The following NOS1AP variants were observed in gnomAD, a reference collection of about 807,000 sequenced individuals.
The protein encoded by NOS1AP is nitric oxide synthase 1 adaptor protein.
Under a neutral mutation model 56.2 loss-of-function variants are expected in NOS1AP, and 21 were observed. That is an observed-to-expected ratio of 0.37 (90% confidence interval 0.26 to 0.54). NOS1AP has a LOEUF of 0.54. Among genes scored for constraint, NOS1AP ranks in the 20% least tolerant of loss-of-function variants. The pLI, the probability that NOS1AP is intolerant of heterozygous loss-of-function variation, is 0.84. For synonymous variants in NOS1AP, 270 were observed against 274.6 expected, an observed-to-expected ratio of 0.98 and a Z score of 0.17; for missense variants, 522 against 657.8, an observed-to-expected ratio of 0.79 and a Z score of 2.26.
intron 2 of NOS1AP, among the ~76,000 whole-genome samples, chr1:162,263,982 C>A (rs760197099): frequency 6.6e-6 from 1 of 152,190 alleles, no homozygotes; most frequent in Non-Finnish European, 1.5e-5. Context: ...GGTCTTGAAT[C>A]CAACTGCTGC....
intron 1 of NOS1AP, among the ~76,000 whole-genome samples, chr1:162,102,980 G>A (rs1647359306): frequency 6.6e-6 from 1 of 151,752 alleles, no homozygotes; most frequent in Admixed American, 6.6e-5. Context: ...CTAGCTTTTG[G>A]GGGTTTGTTT....
intron 1 of NOS1AP, among the ~76,000 whole-genome samples, chr1:162,099,779 C>T (rs1329140501): frequency 1.3e-5 from 2 of 152,054 alleles, no homozygotes; most frequent in Admixed American, 6.5e-5. Context: ...CTATCCCTCC[C>T]CACTCCCCCG....
At chr1:162,261,494 G>GA (rs1349137488) in intron 2 of NOS1AP, among the ~76,000 whole-genome samples, 17 of 194 alleles carry the variant, frequency 0.088, 6 homozygotes, top group Non-Finnish European at 0.5. Context: ...GAGAGAGAGA[G>GA]AGAGAGAGAG....
At chr1:162,263,594 C>A (rs900919711) in intron 2 of NOS1AP, among the ~76,000 whole-genome samples, 17 of 152,190 alleles carry the variant, frequency 1.1e-4, no homozygotes, top group African/African-American at 3.9e-4. Flanking sequence ...TCTCTTATGT[C>A]TATAAATATT....
At chr1:162,287,517 A>G in intron 3 of NOS1AP, 81 bp downstream of exon 3, 2 of 893,258 alleles carry the variant, frequency 2.2e-6, no homozygotes, top group Admixed American at 3.4e-5. Context: ...TTCTGGGCCC[A>G]CCTCCAGAGA....
intron 4 of NOS1AP, among the ~76,000 whole-genome samples, chr1:162,332,026 A>G (rs1467456249): frequency 6.6e-6 from 1 of 152,232 alleles, no homozygotes; most frequent in Admixed American, 6.5e-5. Context: ...GTAGAATATA[A>G]GCCACGACCT....
intron 2 of NOS1AP, among the ~76,000 whole-genome samples, chr1:162,244,559 C>T (rs774548427): frequency 1.3e-5 from 2 of 152,074 alleles, no homozygotes; most frequent in East Asian, 1.9e-4. Context: ...AGTTAGTGAC[C>T]GAGCTAGGAA....
chr1:162,147,052 G>T (rs935083769), intron 1 of NOS1AP, among the ~76,000 whole-genome samples: 1 of 152,094 alleles, frequency 6.6e-6, no homozygotes, highest in Non-Finnish European at 1.5e-5. Context: ...ATACAAGGCC[G>T]GGCGCGGTGG....
At chr1:162,298,280 C>T (rs1198982923) in intron 3 of NOS1AP, among the ~76,000 whole-genome samples, 2 of 152,218 alleles carry the variant, frequency 1.3e-5, no homozygotes, top group African/African-American at 4.8e-5. Context: ...ACCACACCAC[C>T]CTTCTTGCTC....
rs575612926 is a variant in NOS1AP at position 162,370,067 on chromosome 1, G to C, written c.*2600G>C. On this transcript the variant is annotated 3_prime_UTR_variant, in exon 10 of 10. Coordinates refer to ENST00000361897, the MANE Select transcript of NOS1AP (RefSeq NM_014697.3). ...GACACCAGGGGTGCTAACCTTATTG[G>C]TGCCTGCCCCAGCCTACCCCAGGTG... 6.6e-6 allele frequency: 1 copy of C among 152,272 alleles called. No homozygotes were observed. Among genetic ancestry groups the C allele is most frequent in the South Asian group, 2.1e-4 (1 of 4,816 alleles). The allele number at this position is 152,272 out of a possible 1,614,324, so 9.4% of individuals were successfully genotyped here.
At chr1:162,166,529 C>T (rs1650506755) in intron 2 of NOS1AP, among the ~76,000 whole-genome samples, 2 of 152,170 alleles carry the variant, frequency 1.3e-5, no homozygotes, top group South Asian at 4.1e-4. Flanking sequence ...CCTATTTGAG[C>T]TTTCATCCCT....
At chr1:162,148,185 A>G (rs1225503357) in intron 1 of NOS1AP, among the ~76,000 whole-genome samples, 1 of 152,236 alleles carries the variant, frequency 6.6e-6, no homozygotes, top group Non-Finnish European at 1.5e-5. Context: ...ACCAGGCAGA[A>G]TCCAGGACTC....
chr1:162,113,386 G>A (rs1369232514), intron 1 of NOS1AP, among the ~76,000 whole-genome samples: 3 of 152,176 alleles, frequency 2.0e-5, no homozygotes, highest in East Asian at 1.9e-4. Flanking sequence ...GGAATGTGTT[G>A]TCGGGCAAAG....
At chr1:162,348,183 T>TGTTTTAGTC (rs1478366755) in intron 6 of NOS1AP, among the ~76,000 whole-genome samples, 1 of 152,254 alleles carries the variant, frequency 6.6e-6, no homozygotes, top group African/African-American at 2.4e-5. Context: ...GGAGTACATA[T>TGTTTTAGTC]GTTTTAGTCA....
chr1:162,220,823 A>G (rs4657174), intron 2 of NOS1AP, among the ~76,000 whole-genome samples: 5,236 of 152,286 alleles, frequency 0.034, 126 homozygotes, highest in Middle Eastern at 0.051. Flanking sequence ...GCCAAATGGG[A>G]AAAAGAAGTT....
At chr1:162,230,335 G>T (rs1366897119) in intron 2 of NOS1AP, among the ~76,000 whole-genome samples, 1 of 152,212 alleles carries the variant, frequency 6.6e-6, no homozygotes, top group South Asian at 2.1e-4. Flanking sequence ...ACCAGGAAGA[G>T]AAGCTTTTCC....
chr1:162,255,786 C>T (rs1654010334), intron 2 of NOS1AP, among the ~76,000 whole-genome samples: 1 of 152,046 alleles, frequency 6.6e-6, no homozygotes, highest in African/African-American at 2.4e-5. Flanking sequence ...AAAACTATGC[C>T]AGTGATTATT....
chr1:162,354,108 A>AAGG (rs1436628358), intron 6 of NOS1AP, among the ~76,000 whole-genome samples: 10 of 152,210 alleles, frequency 6.6e-5, no homozygotes, highest in African/African-American at 2.4e-4. Context: ...TGCATAGGAA[A>AAGG]ACTTCTTAGA....
chr1:162,351,153 C>T (rs1015851896), intron 6 of NOS1AP, among the ~76,000 whole-genome samples: 1 of 152,156 alleles, frequency 6.6e-6, no homozygotes, highest in Non-Finnish European at 1.5e-5. Flanking sequence ...TCTGAAACAC[C>T]TGTAGTCCTA....
Sources: gnomAD v4.1 joint callset for allele counts (sites outside exome capture counted in the v4.1 genomes callset) on GRCh38, gnomAD v4.1.1 for gene constraint, MANE v1.5 for transcripts, NCBI Gene and HGNC (gene_info 2026-07-23, HGNC 2026-07-21) for gene names.